Variants in PER2 observed in about 807,000 individuals in gnomAD.
PER2 encodes period circadian protein homolog 2.
In PER2, 66 loss-of-function variants were observed where a neutral mutation model predicts 121.0. The ratio of observed to expected loss-of-function variants is 0.55; its 90% CI spans 0.45 to 0.67. The LOEUF (loss-of-function observed/expected upper bound fraction) is 0.67, where lower values mean the gene tolerates loss of function less well. Among genes scored for constraint, PER2 ranks in the 30% least tolerant of loss-of-function variants. The pLI, the probability that PER2 is intolerant of heterozygous loss-of-function variation, is 0.00. For synonymous variants in PER2, 684 were observed against 659.9 expected, an observed-to-expected ratio of 1.04 and a Z score of -0.56; for missense variants, 1,521 against 1,635.0, an observed-to-expected ratio of 0.93 and a Z score of 1.20.
At chr2:238,249,000 C>G (rs1241539764) in intron 22 of PER2, 62 bp downstream of exon 22, 1 of 1,540,208 alleles carries the variant, frequency 6.5e-7, no homozygotes, top group East Asian at 2.2e-5. Context: ...AAAGACAGTA[C>G]AGAGAATCCC....
In PER2 at chr2:238,255,819, A is replaced by C. The variant is rs771298324; in HGVS notation, c.2158T>G (p.Phe720Val). Residue 720 changes from phenylalanine (F) to valine (V), a missense_variant, in exon 18 of 23, where the codon TTC becomes GTC. By Grantham distance (50) the Phe-to-Val change is conservative. Coordinates refer to ENST00000254657, the MANE Select transcript of PER2 (RefSeq NM_022817.3). Reference protein sequence around the residue: ...ACGLSQEKEPFKKLGLTKEVL... With the variant: ...ACGLSQEKEPVKKLGLTKEVL... ...TCCTTGGTGAGGCCCAGCTTCTTGA[A>C]GGGCTCCTTCTCTTGGCTGAGACCA... is the stretch of plus-strand genomic sequence containing the variant. 3.1e-6 allele frequency: 5 copies of C among 1,614,170 alleles called. No individual in the cohort carries two copies. Among genetic ancestry groups the C allele is most frequent in the Non-Finnish European group, 3.4e-6 (4 of 1,180,022 alleles).
At chr2:238,258,725 A>C in intron 14 of PER2, 81 bp from the exon 15 acceptor site, 1 of 1,397,586 alleles carries the variant, frequency 7.2e-7, no homozygotes, top group Non-Finnish European at 1.0e-6. Context: ...TTTTCGTTCT[A>C]CCTGAAGACA....
chr2:238,258,675 CATTT>C (rs934635280), intron 14 of PER2, 31 bp from the exon 15 acceptor site: 1 of 1,610,242 alleles, frequency 6.2e-7, no homozygotes, highest in Non-Finnish European at 8.5e-7. Context: ...TTCTTTCATT[CATTT>C]TTCTCCCACA....
intron 1 of PER2, among the ~76,000 whole-genome samples, chr2:238,285,892 G>T (rs1043830138): frequency 1.3e-5 from 2 of 152,110 alleles, no homozygotes; most frequent in African/African-American, 4.8e-5. Flanking sequence ...CTACTTCCTG[G>T]TAGGAGCCAA....
intron 5 of PER2, 82 bp downstream of exon 5, chr2:238,272,988 C>T: frequency 7.5e-7 from 1 of 1,327,124 alleles, no homozygotes; most frequent in Non-Finnish European, 1.1e-6. Flanking sequence ...GCCTTACAGC[C>T]ACCGGCCGCA....
rs934945 is a variant in PER2 at position 238,246,412 on chromosome 2, C to T, written c.3731G>A (p.Gly1244Glu). 0.2 allele frequency: 314,133 copies of T among 1,610,074 alleles called. 33,535 individuals carry two copies. Among genetic ancestry groups the T allele is most frequent in the Admixed American group, 0.33 (19,621 of 59,608 alleles). The change falls in exon 23 of 23, where the codon GGA becomes GAA. Residue 1244 changes from glycine (G) to glutamate (E), a missense_variant. Coordinates refer to ENST00000254657, the MANE Select transcript of PER2 (RefSeq NM_022817.3). ...TTCGATCCTGTGATTCAAGGGGGAT[C>T]CATTTTCGTCTTCTTTGGTGTCCGA... ...EVSDTKEDEN[G>E]SPLNHRIEEQ...
At chr2:238,280,346 C>T (rs919126019) in intron 1 of PER2, among the ~76,000 whole-genome samples, 7 of 152,164 alleles carry the variant, frequency 4.6e-5, no homozygotes, top group Non-Finnish European at 8.8e-5. Context: ...ACAGCAGGGC[C>T]GACTAGACCT....
chr2:238,245,798 C>CA lies in PER2; in HGVS notation c.*576dup. ...CTGAAATATTGACCACACCAGAAGC[C>CA]AAAGCTGTTGGTTTGCCAAACAACG... On this transcript the variant is annotated 3_prime_UTR_variant, in exon 23 of 23. Coordinates refer to ENST00000254657, the MANE Select transcript of PER2 (RefSeq NM_022817.3). 2.5e-6 allele frequency: 1 copy of CA among 397,284 alleles called. No individual in the cohort carries two copies. The highest frequency in any genetic ancestry group is 4.4e-6 in the Non-Finnish European group (1 of 225,754). 24.6% of individuals were successfully genotyped at this position (397,284 alleles called of 1,614,324 possible). A position where few individuals can be genotyped will look rare whatever the true frequency, so the allele number is the denominator to read the frequency against.
At chr2:238,280,865 A>T (rs1025064618) in intron 1 of PER2, among the ~76,000 whole-genome samples, 7 of 152,214 alleles carry the variant, frequency 4.6e-5, no homozygotes, top group Non-Finnish European at 1.0e-4. Context: ...TCCAGATGAC[A>T]AACGGTATCT....
In PER2 at chr2:238,252,765, T is replaced by C; in HGVS notation, c.3111+147A>G. ...GGATTAAGTGGGAAGCATGAATTTC[T>C]GGCACACACATTCATGGCAAAACCT... On this transcript the variant is annotated intron_variant, in intron 19 of 22. Coordinates refer to ENST00000254657, the MANE Select transcript of PER2 (RefSeq NM_022817.3). This position sits in a 1 kb window ranked among gnomAD's most constrained non-coding sequence, Gnocchi z 4.2. 1.3e-6 allele frequency: 1 copy of C among 779,756 alleles called. No individual in the cohort carries two copies. Among genetic ancestry groups the C allele is most frequent in the Admixed American group, 1.7e-5 (1 of 58,256 alleles). The allele number at this position is 779,756 out of a possible 1,614,324, so 48.3% of individuals were successfully genotyped here.
At chr2:238,295,962 T>C in the PER2 span, 1 of 257,716 alleles carries the variant, frequency 3.9e-6, no homozygotes, top group Non-Finnish European at 7.8e-6. Context: ...CACGTGCTGC[T>C]GAATGAAGCA....
chr2:238,293,254 G>T (rs915114538), upstream of PER2, among the ~76,000 whole-genome samples: 5 of 152,082 alleles, frequency 3.3e-5, no homozygotes, highest in Non-Finnish European at 7.4e-5. Context: ...AAATATAAAT[G>T]AATAAAATAA....
chr2:238,248,948 C>T, intron 22 of PER2, 114 bp downstream of exon 22: 1 of 1,201,420 alleles, frequency 8.3e-7, no homozygotes, highest in South Asian at 1.2e-5. Context: ...AGCCACCGCG[C>T]CCGGCCTAAT....
rs58512302 is a variant in PER2, at chr2:238,275,270, T to C, written c.448+473A>G. ...CACCAACTGGCAGGAGGTGTGAAGA[T>C]GCTCTGCAGGGCACCTTCCTTTCCC... On this transcript the variant is annotated intron_variant, in intron 4 of 22. Transcript: ENST00000254657. Among the ~76,000 whole-genome samples the C allele has an allele frequency of 1.7e-3, 253 of 152,334 alleles. 5 individuals carry two copies. The East Asian group carries it at 0.038, about 23-fold the overall frequency.
rs573573336 is a variant in PER2 at position 238,263,795 on chromosome 2, T to C, written c.1047-737A>G. 7.0e-4 allele frequency among the ~76,000 whole-genome samples: 106 copies of C among 152,344 alleles called. 1 individual carries two copies. Among genetic ancestry groups the C allele is most frequent in the African/African-American group, 2.5e-3 (103 of 41,574 alleles). ...GAATCTTTAGACCATGGTGCAGAAC[T>C]TTCTCAAGGGCCTGGCGTTATTCTT... is the stretch of plus-strand genomic sequence containing the variant. On this transcript the variant is annotated intron_variant, in intron 9 of 22. Transcript: ENST00000254657.
chr2:238,255,497 C>T, intron 18 of PER2, 160 bp downstream of exon 18: 1 of 788,080 alleles, frequency 1.3e-6, no homozygotes, highest in Non-Finnish European at 2.2e-6. Flanking sequence ...GTGGGAAGTT[C>T]TACAGAAACA....
chr2:238,263,037 G>GT lies in PER2; in HGVS notation c.1067dup (p.Tyr356Ter). ...GGGTTTCAATCAGGTCCTGAGGTAG[G>GT]TAGCCCAGGAGAGGGACCGCCCTGG... The part of the protein sequence containing the change: ...VDERAVPLLG[Y>*]LPQDLIETPV... The change falls in exon 10 of 23, where the codon TAC (tyrosine) becomes TAAC (stop). Residue 356 changes from tyrosine (Y) to a stop codon, truncating the protein, a stop_gained and frameshift_variant. Coordinates refer to ENST00000254657, the MANE Select transcript of PER2 (RefSeq NM_022817.3). LOFTEE classifies it high-confidence loss of function. 1 of 1,613,548 alleles carries GT rather than the reference G, an allele frequency of 6.2e-7. No homozygotes were observed. Among genetic ancestry groups the GT allele is most frequent in the Non-Finnish European group, 8.5e-7 (1 of 1,179,470 alleles).
intron 6 of PER2, among the ~76,000 whole-genome samples, chr2:238,269,829 G>A (rs918031918): frequency 6.6e-6 from 1 of 152,260 alleles, no homozygotes; most frequent in African/African-American, 2.4e-5. Flanking sequence ...TGGAAGCTAA[G>A]CCTCCATGCT....
Position 238,261,742 on chromosome 2 carries a change from C to T in PER2, c.1403G>A (p.Arg468Gln), listed in dbSNP as rs761095858. The T allele has an allele frequency of 1.2e-5, 18 of 1,556,710 alleles. No individual in the cohort carries two copies. The highest frequency in any genetic ancestry group is 9.6e-5 in the East Asian group (4 of 41,602). ...SIQELTEQIHRLLLQPVPHSG... is the reference protein window; with the variant it reads ...SIQELTEQIHQLLLQPVPHSG... ...CACCACACCCACCTGCAGCAGGAGC[C>T]GGTGGATCTGCTCTGTGAGCTCCTG... The change falls in exon 12 of 23, where the codon CGG (arginine) becomes CAG (glutamine). Residue 468 changes from arginine (R) to glutamine (Q), a missense_variant. By Grantham distance (43) the Arg-to-Gln change is conservative (BLOSUM62 1). Transcript: ENST00000254657.
Sources: allele counts gnomAD v4.1 joint callset (sites outside exome capture counted in the v4.1 genomes callset), GRCh38; gene constraint gnomAD v4.1.1; non-coding constraint Gnocchi (gnomAD v3.1); transcripts MANE v1.5; gene names NCBI Gene and HGNC (gene_info 2026-07-23, HGNC 2026-07-21).